Variants in DENND2B observed in about 807,000 individuals in gnomAD.
DENND2B encodes DENN domain-containing protein 2B.
A neutral mutation model predicts 116.0 loss-of-function variants in DENND2B; 32 were observed. The ratio of observed to expected loss-of-function variants is 0.28; its 90% CI spans 0.21 to 0.37. DENND2B has a LOEUF of 0.37. Ranked by LOEUF, DENND2B falls within the 10% of genes least tolerant of loss-of-function variation. The pLI, the probability that DENND2B is intolerant of heterozygous loss-of-function variation, is 1.00. For missense variants in DENND2B, 1,276 were observed against 1,477.7 expected, an observed-to-expected ratio of 0.86 and a Z score of 2.24; for synonymous variants, 588 against 583.9, an observed-to-expected ratio of 1.01 and a Z score of -0.10.
chr11:8,848,945 T>C (rs968435128), intron 3 of DENND2B, among the ~76,000 whole-genome samples: 8 of 151,812 alleles, frequency 5.3e-5, no homozygotes, highest in Non-Finnish European at 8.8e-5. Context: ...CAGGGAAATA[T>C]CCATGATTTC....
intron 3 of DENND2B, among the ~76,000 whole-genome samples, chr11:8,856,887 AG>A (rs1330173417): frequency 1.3e-5 from 2 of 151,636 alleles, no homozygotes; most frequent in African/African-American, 2.4e-5. Flanking sequence ...CCGAGTAGCT[AG>A]GACTACAGAT....
At chr11:8,849,720 G>A (rs1434608177) in intron 3 of DENND2B, among the ~76,000 whole-genome samples, 6 of 151,456 alleles carry the variant, frequency 4.0e-5, no homozygotes, top group Admixed American at 3.3e-4. Flanking sequence ...CTACTCAGGC[G>A]GCTGAGGCAG....
At chr11:8,747,310 G>C (rs1470765516) in intron 2 of DENND2B, among the ~76,000 whole-genome samples, 5 of 152,120 alleles carry the variant, frequency 3.3e-5, no homozygotes, top group African/African-American at 7.2e-5. Context: ...TTTCCAAGTT[G>C]CAATGACCCA....
upstream of DENND2B, among the ~76,000 whole-genome samples, chr11:8,871,693 C>T (rs376259994): frequency 2.0e-5 from 3 of 152,134 alleles, no homozygotes; most frequent in East Asian, 3.9e-4. Flanking sequence ...TGGTCTCAAC[C>T]GAAAGCTCCA....
At chr11:8,785,969 T>C (rs1344649892) in intron 1 of DENND2B, among the ~76,000 whole-genome samples, 1 of 152,238 alleles carries the variant, frequency 6.6e-6, no homozygotes, top group African/African-American at 2.4e-5. Context: ...GGGTCTGCCT[T>C]TAGTTGGAAA....
chr11:8,806,170 G>A (rs1181461618), intron 1 of DENND2B, among the ~76,000 whole-genome samples: 1 of 152,136 alleles, frequency 6.6e-6, no homozygotes, highest in East Asian at 1.9e-4. Context: ...TCTTCCTCCT[G>A]CCTCAGATCT....
At chr11:8,695,438 T>C in intron 19 of DENND2B, 25 bp downstream of exon 19, 2 of 1,600,976 alleles carry the variant, frequency 1.2e-6, no homozygotes, top group Non-Finnish European at 1.7e-6. Flanking sequence ...TGAACATCTA[T>C]CTCATCAGTA....
intron 1 of DENND2B, among the ~76,000 whole-genome samples, chr11:8,767,782 C>T (rs2056121490): frequency 6.6e-6 from 1 of 152,106 alleles, no homozygotes; most frequent in African/African-American, 2.4e-5. Flanking sequence ...ATGGGTGGCA[C>T]CTAAGGTCGC....
chr11:8,776,231 A>G (rs1411918834), intron 1 of DENND2B: 2 of 455,556 alleles, frequency 4.4e-6, no homozygotes, highest in Admixed American at 4.7e-5. Context: ...AAACATGTCC[A>G]CGTGTCCATT....
At chr11:8,724,720 A>G (rs1165273041) in intron 4 of DENND2B, among the ~76,000 whole-genome samples, 2 of 152,224 alleles carry the variant, frequency 1.3e-5, no homozygotes, top group East Asian at 1.9e-4. Context: ...AGGAACTGAC[A>G]GTTCCAGACT....
chr11:8,864,419 C>T (rs1038318044), intron 2 of DENND2B, among the ~76,000 whole-genome samples: 4 of 152,086 alleles, frequency 2.6e-5, no homozygotes, highest in Admixed American at 6.6e-5. Context: ...AGACACGCAC[C>T]GCCACGCTCG....
intron 2 of DENND2B, chr11:8,877,413 T>C (rs2134722211): frequency 6.6e-6 from 1 of 152,226 alleles, no homozygotes; most frequent in East Asian, 1.9e-4. Context: ...CCTTTTTTTT[T>C]TTTTAAACAC....
chr11:8,889,949 G>GTGGA (rs1333230312), intron 1 of DENND2B, among the ~76,000 whole-genome samples: 2 of 152,224 alleles, frequency 1.3e-5, no homozygotes, highest in Non-Finnish European at 2.9e-5. Context: ...GCCTCCTCAA[G>GTGGA]TGGATCCCTG....
chr11:8,718,625 C>T, intron 4 of DENND2B: 1 of 1,329,560 alleles, frequency 7.5e-7, no homozygotes, highest in South Asian at 2.1e-5. Flanking sequence ...TTGGAACAAA[C>T]TCTCCTGCTG....
At chr11:8,879,457 T>C (rs1204419125) in intron 2 of DENND2B, among the ~76,000 whole-genome samples, 1 of 152,230 alleles carries the variant, frequency 6.6e-6, no homozygotes, top group African/African-American at 2.4e-5. Context: ...CTAGGAAGGA[T>C]ATGAAGGCAA....
intron 1 of DENND2B, among the ~76,000 whole-genome samples, chr11:8,907,871 T>C (rs886540035): frequency 6.6e-6 from 1 of 152,088 alleles, no homozygotes; most frequent in Non-Finnish European, 1.5e-5. Flanking sequence ...AGTTTTTTAA[T>C]TTTTTAAAAA....
intron 1 of DENND2B, among the ~76,000 whole-genome samples, chr11:8,768,464 G>A (rs2056287788): frequency 6.6e-6 from 1 of 152,178 alleles, no homozygotes; most frequent in African/African-American, 2.4e-5. Context: ...GCCCAGGCTG[G>A]TCTCAAACTC....
intron 1 of DENND2B, among the ~76,000 whole-genome samples, chr11:8,791,194 G>A (rs1247529367): frequency 2.0e-5 from 3 of 152,082 alleles, no homozygotes; most frequent in East Asian, 3.9e-4. Context: ...CTCAGCCAGG[G>A]TGAGCTCATC....
chr11:8,807,018 T>C (rs1044316065), intron 1 of DENND2B, among the ~76,000 whole-genome samples: 3 of 151,662 alleles, frequency 2.0e-5, no homozygotes, highest in Non-Finnish European at 2.9e-5. Context: ...AGATTTCCCC[T>C]TCCCCTCCTC....
Sources: gnomAD v4.1 joint callset for allele counts (sites outside exome capture counted in the v4.1 genomes callset) on GRCh38, gnomAD v4.1.1 for gene constraint, MANE v1.5 for transcripts, NCBI Gene and HGNC (gene_info 2026-07-23, HGNC 2026-07-21) for gene names.